The following AUTS2 variants were observed in gnomAD, a reference collection of about 807,000 sequenced individuals.
The protein encoded by AUTS2 is activator of transcription and developmental regulator AUTS2.
Under a neutral mutation model 112.4 loss-of-function variants are expected in AUTS2, and 17 were observed. The ratio of observed to expected loss-of-function variants is 0.15; its 90% confidence interval spans 0.10 to 0.23. The LOEUF is 0.23. AUTS2 is among the 10% of genes least tolerant of loss of function. The pLI is 1.00. For synonymous variants in AUTS2, 751 were observed against 702.7 expected (o/e 1.07, Z -1.09); for missense variants, 1,510 against 1,701.6 (o/e 0.89, Z 1.98).
chr7:69,677,277 G>GA (rs1796605912), intron 1 of AUTS2, among the ~76,000 whole-genome samples: 1 of 152,154 alleles, frequency 6.6e-6, no homozygotes, highest in Non-Finnish European at 1.5e-5. Flanking sequence ...GACTAATAGT[G>GA]ATAACTGATG....
chr7:70,630,224 C>T (rs577994365), intron 5 of AUTS2, among the ~76,000 whole-genome samples: 19 of 152,152 alleles, frequency 1.2e-4, no homozygotes, highest in Non-Finnish European at 2.1e-4. Context: ...CTCAGAGGAG[C>T]GGAAAGCTGG....
chr7:70,628,562 A>G (rs904835035), intron 5 of AUTS2, among the ~76,000 whole-genome samples: 1 of 138,760 alleles, frequency 7.2e-6, no homozygotes, highest in Non-Finnish European at 1.6e-5. Flanking sequence ...TATTAATAGT[A>G]TACCTACATC....
At chr7:69,948,600 A>G (rs1796905698) in intron 2 of AUTS2, among the ~76,000 whole-genome samples, 1 of 152,174 alleles carries the variant, frequency 6.6e-6, no homozygotes, top group Non-Finnish European at 1.5e-5. Context: ...TCCATCTTGT[A>G]TGAATGGCTA....
chr7:69,620,126 A>G (rs994661898), intron 1 of AUTS2, among the ~76,000 whole-genome samples: 2 of 152,220 alleles, frequency 1.3e-5, no homozygotes, highest in African/African-American at 4.8e-5. Context: ...GACATACAGT[A>G]AGGTTCAAGC....
chr7:69,925,869 C>A (rs1027994767), intron 2 of AUTS2, among the ~76,000 whole-genome samples: 5 of 152,102 alleles, frequency 3.3e-5, no homozygotes, highest in Non-Finnish European at 7.4e-5. Flanking sequence ...CAGACAAACA[C>A]TTTAACTGGG....
Position 70,050,914 on chromosome 7 carries a change from G to C in AUTS2, c.523-67218G>C, listed in dbSNP as rs547151060. Among the ~76,000 whole-genome samples the C allele has an allele frequency of 9.8e-5, 15 of 152,308 alleles. 1 individual carries two copies. The Middle Eastern group carries it at 0.01, about 104-fold the overall frequency. On this transcript the variant is annotated intron_variant, in intron 2 of 18. Coordinates refer to ENST00000342771, the MANE Select transcript of AUTS2 (RefSeq NM_015570.4). Reference sequence around the variant, plus strand: ...GGAGGCTGAGACAGGAGAATCACTTGAACCTGGGAGGCAGAGGTCGCAGTG... The same window carrying C: ...GGAGGCTGAGACAGGAGAATCACTTCAACCTGGGAGGCAGAGGTCGCAGTG...
intron 4 of AUTS2, among the ~76,000 whole-genome samples, chr7:70,319,650 A>ATTT (rs1401219245): frequency 6.6e-6 from 1 of 152,052 alleles, no homozygotes; most frequent in Non-Finnish European, 1.5e-5. Context: ...CAAAGGGTGT[A>ATTT]TTTTCTCAGT....
chr7:70,170,858 G>A (rs571383002), intron 4 of AUTS2, among the ~76,000 whole-genome samples: 3 of 152,162 alleles, frequency 2.0e-5, no homozygotes, highest in South Asian at 2.1e-4. Flanking sequence ...CACCTTCCTC[G>A]GCCTCCTAGA....
At chr7:70,342,290 TATA>T (rs1791300228) in intron 4 of AUTS2, among the ~76,000 whole-genome samples, 1 of 152,170 alleles carries the variant, frequency 6.6e-6, no homozygotes, top group South Asian at 2.1e-4. Context: ...GAAAGGAAAC[TATA>T]ATGACAGCAT....
chr7:69,631,302 T>C (rs1794231024), intron 1 of AUTS2, among the ~76,000 whole-genome samples: 1 of 152,192 alleles, frequency 6.6e-6, no homozygotes, highest in African/African-American at 2.4e-5. Context: ...AGTGTTTCTG[T>C]TGCCACTTAA....
intron 2 of AUTS2, among the ~76,000 whole-genome samples, chr7:69,987,388 A>G (rs1213451746): frequency 2.6e-5 from 4 of 152,216 alleles, no homozygotes; most frequent in Non-Finnish European, 4.4e-5. Context: ...ACTGCATTAG[A>G]TAGTATTGAA....
chr7:70,502,766 A>G (rs1798816711), intron 5 of AUTS2, among the ~76,000 whole-genome samples: 1 of 152,180 alleles, frequency 6.6e-6, no homozygotes, highest in South Asian at 2.1e-4. Context: ...CCCATTCAGA[A>G]AAGTACTTAA....
At chr7:69,803,876 A>T (rs1034615009) in intron 1 of AUTS2, among the ~76,000 whole-genome samples, 7 of 152,136 alleles carry the variant, frequency 4.6e-5, no homozygotes, top group Non-Finnish European at 1.0e-4. Flanking sequence ...CAAAATAAAC[A>T]AACAAATTAG....
chr7:70,546,606 G>A (rs953658084), intron 5 of AUTS2, among the ~76,000 whole-genome samples: 10 of 151,632 alleles, frequency 6.6e-5, no homozygotes, highest in Non-Finnish European at 1.2e-4. Flanking sequence ...GTGAAACCCC[G>A]TCTCTACTAA....
chr7:70,772,330 C>G (rs1050155136), intron 11 of AUTS2, among the ~76,000 whole-genome samples: 1 of 152,234 alleles, frequency 6.6e-6, no homozygotes, highest in African/African-American at 2.4e-5. Context: ...TCTACCTAGT[C>G]AGTGATAATG....
At chr7:70,367,029 A>G (rs1016686445) in intron 4 of AUTS2, among the ~76,000 whole-genome samples, 2 of 152,138 alleles carry the variant, frequency 1.3e-5, no homozygotes, top group Non-Finnish European at 2.9e-5. Context: ...TCACAGCTGT[A>G]ATTCCAGCAC....
chr7:70,240,049 C>T (rs1812529655), intron 4 of AUTS2, among the ~76,000 whole-genome samples: 1 of 152,160 alleles, frequency 6.6e-6, no homozygotes, highest in Admixed American at 6.5e-5. Context: ...GGAGATATGA[C>T]TGGGGACTGG....
chr7:70,297,289 C>G (rs1253922061), intron 4 of AUTS2, among the ~76,000 whole-genome samples: 2 of 152,046 alleles, frequency 1.3e-5, no homozygotes, highest in Non-Finnish European at 2.9e-5. Flanking sequence ...GAATTTCTTT[C>G]CAACAAAGCT....
intron 14 of AUTS2, among the ~76,000 whole-genome samples, chr7:70,777,377 G>A (rs953378417): frequency 1.3e-5 from 2 of 152,162 alleles, no homozygotes; most frequent in African/African-American, 2.4e-5. Flanking sequence ...TGCCCAGGCT[G>A]GAGTACAAGG....
Sources: allele counts gnomAD v4.1 joint callset (sites outside exome capture counted in the v4.1 genomes callset), GRCh38; gene constraint gnomAD v4.1.1; transcripts MANE v1.5; gene names NCBI Gene and HGNC (gene_info 2026-07-23, HGNC 2026-07-21).